The following OXR1 variants were observed in gnomAD, a reference collection of about 807,000 sequenced individuals.
The protein encoded by OXR1 is oxidation resistance protein 1.
A neutral mutation model predicts 104.6 loss-of-function variants in OXR1; 41 were observed. The observed-to-expected ratio is 0.39, with a 90% CI of 0.31 to 0.51. The LOEUF (loss-of-function observed/expected upper bound fraction) is 0.51. Among genes scored for constraint, OXR1 ranks in the 20% least tolerant of loss-of-function variants. The pLI is 0.77. For synonymous variants in OXR1, 348 were observed against 348.4 expected, an observed-to-expected ratio of 1.00 and a Z score of 0.01; for missense variants, 955 against 1,031.9, an observed-to-expected ratio of 0.93 and a Z score of 1.02.
chr8:106,722,989 T>C (rs1306476983), intron 11 of OXR1, among the ~76,000 whole-genome samples: 1 of 152,180 alleles, frequency 6.6e-6, no homozygotes, highest in African/African-American at 2.4e-5. Flanking sequence ...TTTGAACTAG[T>C]GTTTTGCTTT....
At chr8:106,551,843 C>T (rs1035872016) in intron 3 of OXR1, among the ~76,000 whole-genome samples, 67 of 116,670 alleles carry the variant, frequency 5.7e-4, no homozygotes, top group South Asian at 1.5e-3. Context: ...TATATGTGTA[C>T]ATATATGTGT....
At chr8:106,339,519 A>AAAAAT (rs869120573) in intron 1 of OXR1, among the ~76,000 whole-genome samples, 8 of 33,350 alleles carry the variant, frequency 2.4e-4, no homozygotes, top group Admixed American at 6.0e-4. Context: ...AAAAAAAAAA[A>AAAAAT]ATATATATAT....
intron 11 of OXR1, among the ~76,000 whole-genome samples, chr8:106,726,601 A>C (rs1184899215): frequency 6.6e-6 from 1 of 152,154 alleles, no homozygotes; most frequent in Non-Finnish European, 1.5e-5. Flanking sequence ...TTTTAGCTTA[A>C]CTTTTTAGAA....
intron 3 of OXR1, among the ~76,000 whole-genome samples, chr8:106,575,781 C>A (rs1481827761): frequency 5.9e-5 from 9 of 151,384 alleles, no homozygotes; most frequent in African/African-American, 2.2e-4. Context: ...AAAGCTCATG[C>A]AGTTTTCTCA....
At chr8:106,499,237 A>G (rs1053141997) in intron 2 of OXR1, among the ~76,000 whole-genome samples, 1 of 152,158 alleles carries the variant, frequency 6.6e-6, no homozygotes, top group African/African-American at 2.4e-5. Flanking sequence ...TTCCTTGACA[A>G]CTATAATTTT....
intron 3 of OXR1, chr8:106,658,313 A>T: frequency 8.8e-7 from 1 of 1,138,926 alleles, no homozygotes; most frequent in African/African-American, 1.6e-5. Flanking sequence ...CGGGGCGGGC[A>T]ACGTGGCCGG....
chr8:106,410,537 C>G (rs1818419990), intron 2 of OXR1, among the ~76,000 whole-genome samples: 1 of 152,130 alleles, frequency 6.6e-6, no homozygotes, highest in Non-Finnish European at 1.5e-5. Context: ...AGGCAGTAGA[C>G]TTTTAGAACA....
intron 2 of OXR1, chr8:106,447,801 A>G: frequency 9.8e-7 from 1 of 1,021,512 alleles, no homozygotes; most frequent in Non-Finnish European, 1.4e-6. Context: ...ACCGAACGGC[A>G]TATTCTTTGG....
intron 3 of OXR1, among the ~76,000 whole-genome samples, chr8:106,557,448 T>G (rs1328173429): frequency 6.6e-6 from 1 of 152,198 alleles, no homozygotes; most frequent in Non-Finnish European, 1.5e-5. Context: ...GACAGGCAAC[T>G]CAGGTGAGTA....
At chr8:106,577,765 G>A (rs1412331776) in intron 3 of OXR1, among the ~76,000 whole-genome samples, 2 of 152,118 alleles carry the variant, frequency 1.3e-5, no homozygotes, top group Admixed American at 1.3e-4. Context: ...TTTGCCAGCA[G>A]CCACCTGCTA....
chr8:106,733,587 G>T (rs1563756779), intron 11 of OXR1, among the ~76,000 whole-genome samples: 1 of 151,768 alleles, frequency 6.6e-6, no homozygotes, highest in African/African-American at 2.4e-5. Flanking sequence ...GGTTCCTCTA[G>T]AATTTGTAAT....
At chr8:106,658,299 G>T (rs1483785297) in intron 3 of OXR1, 1 of 1,170,902 alleles carries the variant, frequency 8.5e-7, no homozygotes, top group African/African-American at 1.6e-5. Context: ...AGGTGTGCCT[G>T]GGCCGGGGCG....
chr8:106,416,198 T>C (rs1282827686), intron 2 of OXR1, among the ~76,000 whole-genome samples: 1 of 151,648 alleles, frequency 6.6e-6, no homozygotes, highest in African/African-American at 2.4e-5. Flanking sequence ...GCTATAGTTA[T>C]AACAACATCT....
intron 2 of OXR1, among the ~76,000 whole-genome samples, chr8:106,412,598 G>GGAGT (rs10655683): frequency 0.38 from 57,036 of 151,558 alleles, 12,019 homozygotes; most frequent in East Asian, 0.69. Context: ...TTTTCAAGGT[G>GGAGT]GAGTGAGTAC....
Position 106,706,980 on chromosome 8 carries a change from C to T in OXR1, c.1459C>T (p.Gln487Ter). Residue 487 changes from glutamine (Q) to a stop codon, truncating the protein, a stop_gained, in exon 9 of 17, where the codon CAA (glutamine) becomes TAA (stop). Transcript: ENST00000517566. LOFTEE classifies it high-confidence loss of function. The part of the protein sequence containing the change: ...KQKQSVNKGK[Q>*]GKEQNQDSQT... ...AAAGCAAAGTGTTAACAAAGGAAAA[C>T]AAGGAAAGGAGCAAAATCAGGACTC... is the stretch of plus-strand genomic sequence containing the variant. The T allele has an allele frequency of 1.9e-6, 3 of 1,613,536 alleles. No homozygotes were observed. Among genetic ancestry groups the T allele is most frequent in the Non-Finnish European group, 2.5e-6 (3 of 1,179,826 alleles).
rs1366205311 is a variant in OXR1 at position 106,305,933 on chromosome 8, A to G, written c.-139+35566A>G. On this transcript the variant is annotated intron_variant, in intron 1 of 16. Coordinates refer to ENST00000517566, the MANE Select transcript of OXR1 (RefSeq NM_001198533.2). ...CTTTGTTCTTCTTAAATACCTCAGGAGAGGATATAAGAGACTACCCAATTG... is the reference window on the plus strand; with the variant it reads ...CTTTGTTCTTCTTAAATACCTCAGGGGAGGATATAAGAGACTACCCAATTG... Among the ~76,000 whole-genome samples the G allele has an allele frequency of 2.0e-5, 3 of 152,166 alleles. No homozygotes were observed. The East Asian group carries it at 5.8e-4, about 29-fold the overall frequency.
chr8:106,409,235 C>T (rs547079647), intron 2 of OXR1, among the ~76,000 whole-genome samples: 38 of 152,106 alleles, frequency 2.5e-4, no homozygotes, highest in South Asian at 1.0e-3. Flanking sequence ...AAGAAAAGAC[C>T]GACCATATAT....
At chr8:106,531,682 T>C (rs191110180) in intron 3 of OXR1, among the ~76,000 whole-genome samples, 55 of 152,276 alleles carry the variant, frequency 3.6e-4, no homozygotes, top group African/African-American at 1.3e-3. Flanking sequence ...TTTTGAAGTC[T>C]TTTTCAAGTA....
intron 3 of OXR1, among the ~76,000 whole-genome samples, chr8:106,553,756 C>A (rs1816055573): frequency 6.6e-6 from 1 of 152,160 alleles, no homozygotes; most frequent in East Asian, 1.9e-4. Context: ...TCACTTCTTG[C>A]CTCCAGTTTT....
Sources: allele counts gnomAD v4.1 joint callset (sites outside exome capture counted in the v4.1 genomes callset), GRCh38; gene constraint gnomAD v4.1.1; transcripts MANE v1.5; gene names NCBI Gene and HGNC (gene_info 2026-07-23, HGNC 2026-07-21).